PTBP2: variants seen among roughly 807,000 people sequenced by gnomAD.
PTBP2 encodes the protein polypyrimidine tract-binding protein 2.
Under a neutral mutation model 61.4 loss-of-function variants are expected in PTBP2, and 13 were observed. That is an observed-to-expected ratio of 0.21 (90% CI 0.14 to 0.34). The LOEUF is 0.34. Among genes scored for constraint, PTBP2 ranks in the 10% least tolerant of loss-of-function variants. The pLI is 1.00. For missense variants in PTBP2, 405 were observed against 642.6 expected (o/e 0.63, Z 4.00); for synonymous variants, 215 against 218.5 (o/e 0.98, Z 0.14).
chr1:96,786,145 T>G (rs1211596827), intron 8 of PTBP2, among the ~76,000 whole-genome samples: 5 of 152,076 alleles, frequency 3.3e-5, no homozygotes, highest in Non-Finnish European at 5.9e-5. Context: ...AAAGAAAAAA[T>G]AGTATAATTA....
chr1:96,723,709 A>G, intron 2 of PTBP2, 115 bp downstream of exon 2: 1 of 884,716 alleles, frequency 1.1e-6, no homozygotes, highest in Non-Finnish European at 1.7e-6. Flanking sequence ...CCAAGTGTAA[A>G]ATGTTTCCTT....
At chr1:96,735,672 A>G (rs1451213496) in intron 2 of PTBP2, among the ~76,000 whole-genome samples, 3 of 152,244 alleles carry the variant, frequency 2.0e-5, no homozygotes, top group African/African-American at 7.2e-5. Context: ...AAATATCTTT[A>G]TTAGTGAACA....
At chr1:96,748,779 A>G (rs1477804884) in intron 2 of PTBP2, among the ~76,000 whole-genome samples, 1 of 152,202 alleles carries the variant, frequency 6.6e-6, no homozygotes, top group East Asian at 1.9e-4. Flanking sequence ...TTTATTTCAT[A>G]TACATTGTAA....
chr1:96,752,003 A>G (rs1310987452), intron 3 of PTBP2, among the ~76,000 whole-genome samples: 2 of 152,194 alleles, frequency 1.3e-5, no homozygotes, highest in East Asian at 3.9e-4. Flanking sequence ...TATGTTGTCT[A>G]CCTGCATATT....
intron 3 of PTBP2, among the ~76,000 whole-genome samples, chr1:96,754,132 TGAA>T (rs2100925856): frequency 6.6e-6 from 1 of 151,868 alleles, no homozygotes; most frequent in East Asian, 1.9e-4. Context: ...AAACTAGAAA[TGAA>T]GAGCAAATCT....
intron 5 of PTBP2, chr1:96,771,614 G>T (rs779191493): frequency 1.3e-5 from 2 of 151,940 alleles, no homozygotes; most frequent in African/African-American, 2.4e-5. Context: ...TTAATTTGAT[G>T]ATGAGTTTTT....
At chr1:96,746,925 T>G (rs191565398) in intron 2 of PTBP2, among the ~76,000 whole-genome samples, 5 of 80,686 alleles carry the variant, frequency 6.2e-5, no homozygotes, top group East Asian at 4.6e-4. Flanking sequence ...CTTCCTTCCT[T>G]CCTTCCTTCC....
intron 8 of PTBP2, among the ~76,000 whole-genome samples, chr1:96,793,465 G>A (rs1444856846): frequency 6.6e-6 from 1 of 152,108 alleles, no homozygotes; most frequent in African/African-American, 2.4e-5. Flanking sequence ...CGCCTCCTGG[G>A]TTCACGCCAT....
chr1:96,738,099 G>C (rs1187468618), intron 2 of PTBP2, among the ~76,000 whole-genome samples: 4 of 152,108 alleles, frequency 2.6e-5, no homozygotes, highest in Non-Finnish European at 5.9e-5. Flanking sequence ...GCTATTAGCA[G>C]GGTTTCAGGT....
chr1:96,799,513 G>T (rs551636070), intron 8 of PTBP2, among the ~76,000 whole-genome samples: 1 of 152,010 alleles, frequency 6.6e-6, no homozygotes. Flanking sequence ...AGCCAGGATG[G>T]TCTCGATCTC....
chr1:96,728,355 A>G (rs762681754), intron 2 of PTBP2, among the ~76,000 whole-genome samples: 23 of 152,192 alleles, frequency 1.5e-4, no homozygotes, highest in Non-Finnish European at 2.4e-4. Flanking sequence ...TTGACTTAAT[A>G]TTTTGAATAT....
chr1:96,728,161 A>AT (rs1650862056), intron 2 of PTBP2, among the ~76,000 whole-genome samples: 1 of 151,914 alleles, frequency 6.6e-6, no homozygotes, highest in African/African-American at 2.4e-5. Flanking sequence ...TAACTTTTAA[A>AT]TTTTTTATAG....
rs896136232 is a variant in PTBP2, at chr1:96,749,012, C to T, written c.40-2413C>T. 3.3e-5 allele frequency among the ~76,000 whole-genome samples: 5 copies of T among 152,012 alleles called. No homozygotes were observed. The South Asian group carries it at 6.2e-4, about 19-fold the overall frequency. On this transcript the variant is annotated intron_variant, in intron 2 of 13. Coordinates refer to ENST00000674951, the MANE Select transcript of PTBP2 (RefSeq NM_021190.4). The stretch of plus-strand genomic sequence containing the variant: ...AATCTCAAAATTGCAAATAATTTGA[C>T]GTTATTCTCAGTAATGAAGGCTGTT...
Position 96,812,894 on chromosome 1 carries a change from C to A in PTBP2, c.1354C>A (p.Pro452Thr). The A allele has an allele frequency of 6.2e-7, 1 of 1,613,616 alleles. No homozygotes were observed. Among genetic ancestry groups the A allele is most frequent in the Non-Finnish European group, 8.5e-7 (1 of 1,179,650 alleles). The change falls in exon 12 of 14, where the codon CCT (proline) becomes ACT (threonine). Residue 452 changes from proline (P) to threonine (T), a missense_variant. Coordinates refer to ENST00000674951, the MANE Select transcript of PTBP2 (RefSeq NM_021190.4). The part of the protein sequence containing the change: ...PGSKNFQNIF[P>T]PSATLHLSNI... Reference sequence around the variant, plus strand: ...ATCCAAAAATTTTCAAAACATTTTTCCTCCTTCTGCCACCCTTCACCTATC... The same window carrying A: ...ATCCAAAAATTTTCAAAACATTTTTACTCCTTCTGCCACCCTTCACCTATC...
intron 3 of PTBP2, among the ~76,000 whole-genome samples, chr1:96,767,477 C>T (rs1200111602): frequency 2.0e-5 from 3 of 151,950 alleles, no homozygotes; most frequent in Non-Finnish European, 2.9e-5. Flanking sequence ...AACTATAACA[C>T]ATGGGGCTTT....
Position 96,751,485 on chromosome 1 carries a change from A to G in PTBP2, c.100A>G (p.Ser34Gly), listed in dbSNP as rs922557945. ...VLSSPNSNMS[S>G]MVVTANGNDS... ...CAGTAGTCCGAACTCTAATATGAGC[A>G]GCATGGTAGTTACAGGTAAGTGTTA... Residue 34 changes from serine (S) to glycine (G), a missense_variant, in exon 3 of 14, where the codon AGC (serine) becomes GGC (glycine). Coordinates refer to ENST00000674951, the MANE Select transcript of PTBP2 (RefSeq NM_021190.4). The G allele has an allele frequency of 1.2e-6, 2 of 1,612,392 alleles. No individual in the cohort carries two copies. Among genetic ancestry groups the G allele is most frequent in the Non-Finnish European group, 1.7e-6 (2 of 1,178,812 alleles).
intron 7 of PTBP2, among the ~76,000 whole-genome samples, chr1:96,779,480 C>G (rs1658408044): frequency 6.6e-6 from 1 of 152,042 alleles, no homozygotes; most frequent in Non-Finnish European, 1.5e-5. Flanking sequence ...TGTATCTTGT[C>G]TGAAGTAATA....
chr1:96,805,102 G>A (rs770145405), intron 9 of PTBP2, among the ~76,000 whole-genome samples, 163 bp downstream of exon 9: 1 of 151,602 alleles, frequency 6.6e-6, no homozygotes, highest in Non-Finnish European at 1.5e-5. Context: ...ATATTGTTTA[G>A]GTAATACTTT....
At chr1:96,773,431 C>T (rs977984349) in intron 5 of PTBP2, among the ~76,000 whole-genome samples, 1 of 152,070 alleles carries the variant, frequency 6.6e-6, no homozygotes, top group Non-Finnish European at 1.5e-5. Context: ...ATACTAGTTA[C>T]AGTATTTAAA....
Sources: allele counts gnomAD v4.1 joint callset (sites outside exome capture counted in the v4.1 genomes callset), GRCh38; gene constraint gnomAD v4.1.1; transcripts MANE v1.5; gene names NCBI Gene and HGNC (gene_info 2026-07-23, HGNC 2026-07-21).